DIAPH3: variants seen among roughly 807,000 people sequenced by gnomAD.
DIAPH3 encodes protein diaphanous homolog 3.
A neutral mutation model predicts 144.3 loss-of-function variants in DIAPH3; 117 were observed. The observed-to-expected ratio is 0.81, with a 90% CI of 0.70 to 0.95. The LOEUF (loss-of-function observed/expected upper bound fraction) is 0.95. DIAPH3 is among the 40% of genes least tolerant of loss of function. DIAPH3 has a pLI of 0.00. For missense variants in DIAPH3, 1,421 were observed against 1,412.7 expected (o/e 1.01, Z -0.09); for synonymous variants, 519 against 488.9 (o/e 1.06, Z -0.81).
intron 5 of DIAPH3, among the ~76,000 whole-genome samples, chr13:60,018,670 C>T (rs2053814642): frequency 6.6e-6 from 1 of 152,044 alleles, no homozygotes; most frequent in Non-Finnish European, 1.5e-5. Context: ...AGGCATTAAA[C>T]CAAATCACTT....
intron 23 of DIAPH3, chr13:59,838,572 C>T (rs1265312928): frequency 1.3e-5 from 2 of 151,928 alleles, no homozygotes; most frequent in Admixed American, 6.6e-5. Flanking sequence ...ATAATATATG[C>T]CAATTCTTGA....
At chr13:59,901,764 A>G (rs1014617342) in intron 20 of DIAPH3, among the ~76,000 whole-genome samples, 1 of 152,202 alleles carries the variant, frequency 6.6e-6, no homozygotes, top group Non-Finnish European at 1.5e-5. Context: ...GGTACAGTCT[A>G]CCAATACAAA....
intron 5 of DIAPH3, among the ~76,000 whole-genome samples, chr13:60,017,167 G>A (rs995745057): frequency 1.3e-5 from 2 of 152,096 alleles, no homozygotes; most frequent in East Asian, 3.9e-4. Context: ...ACTTTGGGAG[G>A]CAGAGGCGGG....
chr13:59,840,247 T>TA (rs141621493), intron 22 of DIAPH3, among the ~76,000 whole-genome samples: 14 of 151,500 alleles, frequency 9.2e-5, no homozygotes, highest in East Asian at 3.9e-4. Flanking sequence ...AATTCTAGGT[T>TA]AAAAAAAAAT....
Position 60,116,362 on chromosome 13 carries a change from C to T in DIAPH3, c.214-4176G>A, listed in dbSNP as rs148886822. Among the ~76,000 whole-genome samples the T allele has an allele frequency of 3.3e-5, 5 of 152,140 alleles. No individual in the cohort carries two copies. In the South Asian group the frequency reaches 6.2e-4, roughly 19 times the overall value. ...ATAACTCAGAAACATAAAACTGTCT[C>T]CACATGAATATATGTCCAGAAGTTA... On this transcript the variant is annotated intron_variant, in intron 2 of 27. Coordinates refer to ENST00000400324, the MANE Select transcript of DIAPH3 (RefSeq NM_001042517.2).
In DIAPH3 at chr13:59,844,379, C is replaced by T. The variant is rs551268978; in HGVS notation, c.2738-4931G>A. On this transcript the variant is annotated intron_variant, in intron 22 of 27. Coordinates refer to ENST00000400324, the MANE Select transcript of DIAPH3 (RefSeq NM_001042517.2). ...ATTAGCCAGGCGTGGTGGCGAGCGC[C>T]TGTAGTCCCACCTACTCAGGAGGTT... 1.3e-4 allele frequency among the ~76,000 whole-genome samples: 19 copies of T among 151,964 alleles called. No homozygotes were observed. The East Asian group carries it at 1.8e-3, about 14-fold the overall frequency.
chr13:59,925,842 T>C (rs1279617986), intron 17 of DIAPH3, among the ~76,000 whole-genome samples: 2 of 152,174 alleles, frequency 1.3e-5, no homozygotes, highest in African/African-American at 2.4e-5. Flanking sequence ...ACTCTAACAA[T>C]CCTTTTTATT....
chr13:60,115,508 G>A (rs1211817593), intron 2 of DIAPH3, among the ~76,000 whole-genome samples: 1 of 152,142 alleles, frequency 6.6e-6, no homozygotes, highest in South Asian at 2.1e-4. Flanking sequence ...GCAACCAGAG[G>A]TGACTACAAC....
At chr13:59,709,545 A>AT (rs1321170177) in intron 27 of DIAPH3, among the ~76,000 whole-genome samples, 1 of 152,256 alleles carries the variant, frequency 6.6e-6, no homozygotes, top group African/African-American at 2.4e-5. Context: ...TCACAATGAG[A>AT]TACCATCTCA....
chr13:59,774,326 T>C (rs2038281840), intron 26 of DIAPH3, 78 bp from the exon 27 acceptor site: 6 of 1,223,346 alleles, frequency 4.9e-6, no homozygotes, highest in Non-Finnish European at 7.0e-6. Context: ...TAGACATACT[T>C]TTTTCCAAGG....
chr13:60,004,531 G>T (rs180924666), intron 9 of DIAPH3, among the ~76,000 whole-genome samples: 17 of 152,216 alleles, frequency 1.1e-4, no homozygotes, highest in African/African-American at 4.1e-4. Context: ...TAAAAACAAT[G>T]AGAAACCTTT....
At chr13:59,744,407 T>C (rs2036607677) in intron 27 of DIAPH3, among the ~76,000 whole-genome samples, 2 of 152,210 alleles carry the variant, frequency 1.3e-5, no homozygotes, top group African/African-American at 4.8e-5. Flanking sequence ...GTCTCTGCCC[T>C]CCAAGAGGGC....
intron 27 of DIAPH3, among the ~76,000 whole-genome samples, chr13:59,726,390 G>A (rs1342010571): frequency 1.3e-5 from 2 of 152,188 alleles, no homozygotes; most frequent in Non-Finnish European, 2.9e-5. Context: ...GTTAATCTGA[G>A]TATAACACTT....
intron 25 of DIAPH3, among the ~76,000 whole-genome samples, chr13:59,808,910 C>A (rs1287317132): frequency 1.3e-5 from 2 of 152,052 alleles, no homozygotes; most frequent in African/African-American, 4.8e-5. Context: ...GGGTAACAGC[C>A]TTTTGATCTA....
intron 27 of DIAPH3, among the ~76,000 whole-genome samples, chr13:59,686,067 T>G (rs1355961334): frequency 6.6e-6 from 1 of 152,126 alleles, no homozygotes; most frequent in Non-Finnish European, 1.5e-5. Flanking sequence ...CACAAAATAC[T>G]TTGTGATCTA....
At chr13:59,901,482 C>T (rs2046428989) in intron 20 of DIAPH3, among the ~76,000 whole-genome samples, 1 of 152,208 alleles carries the variant, frequency 6.6e-6, no homozygotes, top group African/African-American at 2.4e-5. Flanking sequence ...TTCCTAACCA[C>T]ACAAATTGCA....
chr13:60,096,222 ATTTTT>A (rs1220758031), intron 3 of DIAPH3, among the ~76,000 whole-genome samples: 1 of 152,142 alleles, frequency 6.6e-6, no homozygotes, highest in East Asian at 1.9e-4. Context: ...TATTCACTTT[ATTTTT>A]ATTTTCAGGC....
At chr13:60,113,424 GAT>G (rs1340432253) in intron 2 of DIAPH3, among the ~76,000 whole-genome samples, 3 of 152,134 alleles carry the variant, frequency 2.0e-5, no homozygotes, top group Non-Finnish European at 4.4e-5. Flanking sequence ...GAGATGTAAA[GAT>G]AAGTATTATC....
chr13:59,983,565 T>A (rs2051168656), intron 13 of DIAPH3, among the ~76,000 whole-genome samples: 1 of 151,278 alleles, frequency 6.6e-6, no homozygotes, highest in African/African-American at 2.4e-5. Context: ...GTGCCAGGAG[T>A]TTTACTCACC....
Sources: gnomAD v4.1 joint callset for allele counts (sites outside exome capture counted in the v4.1 genomes callset) on GRCh38, gnomAD v4.1.1 for gene constraint, MANE v1.5 for transcripts, NCBI Gene and HGNC (gene_info 2026-07-23, HGNC 2026-07-21) for gene names.